Variants in ZNF680 observed in about 807,000 individuals in gnomAD.
ZNF680 encodes zinc finger protein 680, also known as hypothetical protein FLJ90430.
Under a neutral mutation model 12.1 loss-of-function variants are expected in ZNF680, and 6 were observed. That is an observed-to-expected ratio of 0.49 (90% confidence interval 0.27 to 0.98). ZNF680 has a LOEUF of 0.98. ZNF680 is among the 50% of genes least tolerant of loss of function. The probability of loss-of-function intolerance (pLI) is 0.12; values close to 1 mark genes in which losing one functional copy is unlikely to be tolerated. For missense variants in ZNF680, 561 were observed against 616.3 expected (o/e 0.91, Z 0.95); for synonymous variants, 170 against 199.3 (o/e 0.85, Z 1.24).
At chr7:64,556,701 T>TA (rs1787432506) in intron 1 of ZNF680, among the ~76,000 whole-genome samples, 1 of 151,976 alleles carries the variant, frequency 6.6e-6, no homozygotes, top group African/African-American at 2.4e-5. Flanking sequence ...ATCTAAAAAA[T>TA]ACCTATGTCA....
chr7:64,547,766 C>A (rs77498752), intron 1 of ZNF680, among the ~76,000 whole-genome samples: 12 of 152,080 alleles, frequency 7.9e-5, no homozygotes, highest in African/African-American at 2.7e-4. Flanking sequence ...ACTACTAAAT[C>A]TGCAGTAATA....
At chr7:64,503,371 TGGAA>T in the ZNF680 span, among the ~76,000 whole-genome samples, 1 of 143,326 alleles carries the variant, frequency 7.0e-6, no homozygotes, top group Non-Finnish European at 1.5e-5. Context: ...AGAAATCAAC[TGGAA>T]GGCTTTTTTT....
chr7:64,500,924 G>A, the ZNF680 span: 1 of 622,048 alleles, frequency 1.6e-6, no homozygotes. Context: ...GTGTGATGTG[G>A]AGGCAATCTT....
the ZNF680 span, among the ~76,000 whole-genome samples, chr7:64,512,457 CA>C: frequency 0.55 from 48,312 of 87,420 alleles, 10,448 homozygotes; most frequent in African/African-American, 0.58. Flanking sequence ...CCGTCTCCAG[CA>C]AAAAAAAAAA....
downstream of ZNF680, among the ~76,000 whole-genome samples, chr7:64,516,791 A>G (rs62461512): frequency 0.05 from 7,665 of 152,314 alleles, 286 homozygotes; most frequent in East Asian, 0.17. Context: ...CAGTGGAATA[A>G]AATTGAAAGT....
the ZNF680 span, among the ~76,000 whole-genome samples, chr7:64,511,040 G>C: frequency 5.3e-5 from 8 of 151,730 alleles, no homozygotes; most frequent in Admixed American, 2.0e-4. Flanking sequence ...GGGAGGCCAA[G>C]GCGGGTGGAT....
chr7:64,512,325 C>T, the ZNF680 span, among the ~76,000 whole-genome samples: 22 of 151,332 alleles, frequency 1.5e-4, no homozygotes, highest in South Asian at 6.3e-4. Context: ...TGGTGGCGTG[C>T]GCCTGTAGTC....
At chr7:64,532,592 C>G (rs1311186105) in intron 3 of ZNF680, among the ~76,000 whole-genome samples, 2 of 152,122 alleles carry the variant, frequency 1.3e-5, no homozygotes, top group Non-Finnish European at 2.9e-5. Context: ...TTCTACCAGA[C>G]ACTCAAAGAA....
chr7:64,505,526 C>A, the ZNF680 span, among the ~76,000 whole-genome samples: 1 of 152,184 alleles, frequency 6.6e-6, no homozygotes, highest in African/African-American at 2.4e-5. Context: ...TAAAACTGGG[C>A]TACCAGAATG....
intron 3 of ZNF680, among the ~76,000 whole-genome samples, chr7:64,534,760 C>A (rs979958391): frequency 6.6e-6 from 1 of 152,102 alleles, no homozygotes; most frequent in African/African-American, 2.4e-5. Flanking sequence ...TGGAACCAAC[C>A]CAAATGCCCA....
At chr7:64,560,629 T>C (rs1341085247) in intron 1 of ZNF680, among the ~76,000 whole-genome samples, 2 of 152,052 alleles carry the variant, frequency 1.3e-5, no homozygotes, top group Admixed American at 1.3e-4. Context: ...CTGGCCAACA[T>C]GGTGAAACCT....
chr7:64,520,269 A>C lies in ZNF680; in HGVS notation c.*892T>G, dbSNP rs1169098430. 2.6e-5 allele frequency: 4 copies of C among 151,844 alleles called. No individual in the cohort carries two copies. The highest frequency in any genetic ancestry group is 9.7e-5 in the African/African-American group (4 of 41,442). 9.4% of individuals were successfully genotyped at this position (151,844 alleles called of 1,614,324 possible). ...TCACATGTGAATACAATAGGAATGA[A>C]ATAAAGTAATTTGAGAGTTGAATTT... On this transcript the variant is annotated 3_prime_UTR_variant, in exon 4 of 4. Coordinates refer to ENST00000309683, the MANE Select transcript of ZNF680 (RefSeq NM_178558.5).
chr7:64,557,864 TG>T (rs1787509818), intron 1 of ZNF680, among the ~76,000 whole-genome samples: 1 of 152,132 alleles, frequency 6.6e-6, no homozygotes, highest in Admixed American at 6.6e-5. Context: ...TTGAGGGTGG[TG>T]GGTAGGAGGA....
chr7:64,527,278 C>T (rs1791912778), intron 3 of ZNF680, among the ~76,000 whole-genome samples: 1 of 151,860 alleles, frequency 6.6e-6, no homozygotes, highest in African/African-American at 2.4e-5. Context: ...AAAATAAGCA[C>T]TAAAATGAAC....
intron 1 of ZNF680, among the ~76,000 whole-genome samples, chr7:64,562,629 C>T (rs915517474): frequency 6.6e-6 from 1 of 152,222 alleles, no homozygotes; most frequent in Non-Finnish European, 1.5e-5. Flanking sequence ...ATTTATGAAC[C>T]CTGCACCCCG....
At chr7:64,532,188 C>G (rs2116428774) in intron 3 of ZNF680, among the ~76,000 whole-genome samples, 1 of 151,994 alleles carries the variant, frequency 6.6e-6, no homozygotes, top group Non-Finnish European at 1.5e-5. Flanking sequence ...ACCTGTCGTC[C>G]CAGCTACTCG....
chr7:64,521,331 C>T lies in ZNF680; in HGVS notation c.1423G>A (p.Ala475Thr), dbSNP rs376114960. Residue 475 changes from alanine (A) to threonine (T), a missense_variant, in exon 4 of 4, where the codon GCA becomes ACA. Physicochemically the swap from Ala to Thr is moderately conservative, Grantham distance 58 (BLOSUM62 0). Coordinates refer to ENST00000309683, the MANE Select transcript of ZNF680 (RefSeq NM_178558.5). Reference protein sequence around the residue: ...DECGNVFNWPATLANHKRIHA... With the variant: ...DECGNVFNWPTTLANHKRIHA... The stretch of plus-strand genomic sequence containing the variant: ...ATTCTCTTATGATTAGCAAGAGTTG[C>T]AGGCCAGTTAAAAACATTGCCACAT... 7.5e-6 allele frequency: 12 copies of T among 1,609,978 alleles called. No individual in the cohort carries two copies. Among genetic ancestry groups the T allele is most frequent in the Non-Finnish European group, 1.0e-5 (12 of 1,178,102 alleles).
chr7:64,519,803 T>C (rs73128760), downstream of ZNF680: 34,207 of 151,630 alleles, frequency 0.23, 4,046 homozygotes, highest in South Asian at 0.28. Flanking sequence ...TACTCTCTTT[T>C]ACCTCCCTCC....
chr7:64,506,439 C>T, the ZNF680 span, among the ~76,000 whole-genome samples: 6 of 151,958 alleles, frequency 3.9e-5, no homozygotes, highest in East Asian at 1.9e-4. Context: ...CCACCTGCCT[C>T]GGCCTCCCAA....
Sources: gnomAD v4.1 joint callset for allele counts (sites outside exome capture counted in the v4.1 genomes callset) on GRCh38, gnomAD v4.1.1 for gene constraint, MANE v1.5 for transcripts, NCBI Gene and HGNC (gene_info 2026-07-23, HGNC 2026-07-21) for gene names.